The following ROBO2 variants were observed in gnomAD, a reference collection of about 807,000 sequenced individuals.
The protein encoded by ROBO2 is roundabout homolog 2.
ROBO2 carries 53 observed loss-of-function variants against 160.8 expected under a neutral mutation model. That is an observed-to-expected ratio of 0.33 (90% CI 0.26 to 0.41). The LOEUF (loss-of-function observed/expected upper bound fraction) is 0.41. Ranked by LOEUF, ROBO2 falls within the 10% of genes least tolerant of loss-of-function variation. ROBO2 has a pLI of 1.00. For missense variants in ROBO2, 1,577 were observed against 1,722.4 expected (o/e 0.92, Z 1.49); for synonymous variants, 664 against 611.7 (o/e 1.09, Z -1.26).
intron 2 of ROBO2, among the ~76,000 whole-genome samples, chr3:76,656,616 CTTTGT>C (rs368810711): frequency 9.2e-5 from 14 of 151,722 alleles, no homozygotes; most frequent in Admixed American, 3.9e-4. Context: ...GGTTCATTAC[CTTTGT>C]TTTGTTTTGT....
At chr3:76,992,434 A>G (rs1473194529) in intron 2 of ROBO2, among the ~76,000 whole-genome samples, 1 of 150,604 alleles carries the variant, frequency 6.6e-6, no homozygotes, top group Non-Finnish European at 1.5e-5. Flanking sequence ...AGTGACAGTT[A>G]CACATCAGTT....
chr3:77,489,775 C>T (rs1192440227), intron 4 of ROBO2, among the ~76,000 whole-genome samples: 2 of 152,140 alleles, frequency 1.3e-5, no homozygotes, highest in Admixed American at 6.5e-5. Context: ...GTCATGAAAA[C>T]TTTTCATGTT....
At chr3:77,522,282 CT>C (rs1389203881) in intron 5 of ROBO2, among the ~76,000 whole-genome samples, 1 of 151,098 alleles carries the variant, frequency 6.6e-6, no homozygotes, top group African/African-American at 2.4e-5. Flanking sequence ...ATTACATACC[CT>C]TAATTCTTTT....
At chr3:77,111,349 A>C (rs2073552972) in intron 2 of ROBO2, among the ~76,000 whole-genome samples, 1 of 152,126 alleles carries the variant, frequency 6.6e-6, no homozygotes, top group South Asian at 2.1e-4. Context: ...GATCCTGTGA[A>C]TCTATACTTA....
intron 2 of ROBO2, among the ~76,000 whole-genome samples, chr3:76,461,137 G>A (rs908065619): frequency 5.9e-5 from 9 of 152,320 alleles, no homozygotes; most frequent in Admixed American, 2.0e-4. Flanking sequence ...GGCTTCCAGG[G>A]AGGCCTCAGG....
intron 2 of ROBO2, chr3:76,433,934 C>G: frequency 1.5e-6 from 1 of 652,072 alleles, no homozygotes; most frequent in Non-Finnish European, 2.8e-6. Flanking sequence ...ATTTATTTAT[C>G]CATCTTGGGA....
chr3:76,855,116 G>T (rs984238289), intron 2 of ROBO2, among the ~76,000 whole-genome samples: 19 of 152,120 alleles, frequency 1.2e-4, no homozygotes, highest in African/African-American at 3.6e-4. Flanking sequence ...TTCACACATG[G>T]CTACATAAGT....
intron 2 of ROBO2, among the ~76,000 whole-genome samples, chr3:76,387,037 G>T (rs1440198961): frequency 1.3e-5 from 2 of 152,126 alleles, no homozygotes; most frequent in Admixed American, 6.5e-5. Flanking sequence ...AGTTCTAGAG[G>T]CTGGGAAGTC....
intron 2 of ROBO2, among the ~76,000 whole-genome samples, chr3:76,404,641 A>C (rs2108783337): frequency 6.9e-6 from 1 of 144,684 alleles, no homozygotes; most frequent in South Asian, 2.1e-4. Flanking sequence ...TTACTTTATC[A>C]TTGAGGGAAT....
At chr3:76,899,593 G>A (rs1032889415) in intron 2 of ROBO2, among the ~76,000 whole-genome samples, 1 of 151,986 alleles carries the variant, frequency 6.6e-6, no homozygotes, top group South Asian at 2.1e-4. Context: ...TAAAGATATG[G>A]ACTTGTCGTC....
At chr3:77,067,343 A>T (rs144805110) in intron 1 of ROBO2, among the ~76,000 whole-genome samples, 1 of 152,118 alleles carries the variant, frequency 6.6e-6, no homozygotes, top group African/African-American at 2.4e-5. Flanking sequence ...CAAACTTTGT[A>T]TTTACTTTTT....
intron 2 of ROBO2, among the ~76,000 whole-genome samples, chr3:76,977,103 A>T (rs2059853219): frequency 6.6e-6 from 1 of 152,204 alleles, no homozygotes; most frequent in Non-Finnish European, 1.5e-5. Context: ...AGTACCAGAA[A>T]GGAAAGCAAG....
At chr3:77,397,531 G>A (rs558691512) in intron 2 of ROBO2, among the ~76,000 whole-genome samples, 2 of 152,170 alleles carry the variant, frequency 1.3e-5, no homozygotes, top group East Asian at 1.9e-4. Flanking sequence ...GTGTGAATGC[G>A]ATTAGTTACT....
chr3:77,206,048 G>T (rs1447038363), intron 2 of ROBO2, among the ~76,000 whole-genome samples: 4 of 152,098 alleles, frequency 2.6e-5, no homozygotes, highest in African/African-American at 9.7e-5. Flanking sequence ...GGTGCCCTCA[G>T]GCATTCCTTG....
intron 2 of ROBO2, among the ~76,000 whole-genome samples, chr3:77,324,379 T>C (rs1037323065): frequency 5.9e-5 from 9 of 152,248 alleles, no homozygotes; most frequent in African/African-American, 1.7e-4. Flanking sequence ...ACTGGCAAAA[T>C]AGGACTGTGA....
At position 76,776,979 on chromosome 3, in the gene ROBO2, TA is replaced by T. The variant is rs1293346299; in HGVS notation, c.110-321031del. Reference sequence around the variant, plus strand: ...TTAACTCACGTTCAGAGTATCTTGTTAAAAGTGAATAACTTATTCAGTGGTA... The same window carrying T: ...TTAACTCACGTTCAGAGTATCTTGTTAAAGTGAATAACTTATTCAGTGGTA... On this transcript the variant is annotated intron_variant, in intron 2 of 26. Coordinates refer to the ROBO2 transcript ENST00000487694. Among the ~76,000 whole-genome samples, 15 of 151,084 alleles carry T rather than the reference TA, an allele frequency of 9.9e-5. No homozygotes were observed. In the East Asian group the frequency reaches 2.8e-3, roughly 28 times the overall value.
chr3:76,624,574 G>A (rs542040867), intron 2 of ROBO2, among the ~76,000 whole-genome samples: 2 of 151,904 alleles, frequency 1.3e-5, no homozygotes, highest in South Asian at 2.1e-4. Context: ...CGAGGCGGGC[G>A]GATCGCCTGA....
In ROBO2 at chr3:77,057,967, G is replaced by A. The variant is rs552689660; in HGVS notation, c.61+17121G>A. ...TAACAAAGCTGCACGTTCTGCACAT[G>A]TATCCAGAACTTAAAGTAAAATTAA... On this transcript the variant is annotated intron_variant, in intron 1 of 25. Transcript: ENST00000461745. Among the ~76,000 whole-genome samples the A allele has an allele frequency of 3.3e-5, 5 of 152,062 alleles. 1 individual carries two copies. The highest frequency in any genetic ancestry group is 1.2e-4 in the African/African-American group (5 of 41,486).
intron 2 of ROBO2, chr3:75,937,703 T>A: frequency 1.5e-6 from 1 of 650,276 alleles, no homozygotes; most frequent in Non-Finnish European, 2.4e-6. Flanking sequence ...CAATTTGTTG[T>A]AATTTTCCCC....
Sources: allele counts gnomAD v4.1 joint callset (sites outside exome capture counted in the v4.1 genomes callset), GRCh38; gene constraint gnomAD v4.1.1; transcripts MANE v1.5; gene names NCBI Gene and HGNC (gene_info 2026-07-23, HGNC 2026-07-21).